The following LNX1 variants were observed in gnomAD, a reference collection of about 807,000 sequenced individuals.
The protein encoded by LNX1 is ligand of numb-protein X 1, also known as E3 ubiquitin-protein ligase LNX.
Under a neutral mutation model 68.4 loss-of-function variants are expected in LNX1, and 54 were observed. The ratio of observed to expected loss-of-function variants is 0.79; its 90% CI spans 0.63 to 0.99. The LOEUF (loss-of-function observed/expected upper bound fraction) is 0.99. Among genes scored for constraint, LNX1 ranks in the 50% least tolerant of loss-of-function variants. The pLI is 0.00. For synonymous variants in LNX1, 336 were observed against 350.0 expected, an observed-to-expected ratio of 0.96 and a Z score of 0.45; for missense variants, 906 against 926.4, an observed-to-expected ratio of 0.98 and a Z score of 0.29.
At chr4:53,502,310 T>C (rs532503929) in intron 4 of LNX1, among the ~76,000 whole-genome samples, 2 of 102,278 alleles carry the variant, frequency 2.0e-5, no homozygotes, top group East Asian at 4.9e-4. Flanking sequence ...CTCTGAGATA[T>C]TGTGGGTTTG....
chr4:53,513,860 C>T (rs1029237700), intron 2 of LNX1, among the ~76,000 whole-genome samples: 26 of 152,206 alleles, frequency 1.7e-4, no homozygotes, highest in African/African-American at 6.3e-4. Flanking sequence ...TTTACTAAAG[C>T]ATAAGGTCCT....
At chr4:53,515,493 C>G (rs1323656690) in intron 2 of LNX1, among the ~76,000 whole-genome samples, 1 of 150,784 alleles carries the variant, frequency 6.6e-6, no homozygotes, top group African/African-American at 2.5e-5. Context: ...CATTTCCCTG[C>G]ACTTCAATTT....
In LNX1 at chr4:53,533,425, G is replaced by A. The variant is rs143471257; in HGVS notation, c.381-25198C>T. 3.7e-3 allele frequency among the ~76,000 whole-genome samples: 567 copies of A among 152,244 alleles called. 2 individuals carry two copies. Among genetic ancestry groups the A allele is most frequent in the Non-Finnish European group, 6.2e-3 (422 of 68,004 alleles). On this transcript the variant is annotated intron_variant, in intron 2 of 10. Transcript: ENST00000263925. Reference sequence around the variant, plus strand: ...TGGAGACTTTTTTATTTGAGGTGGCGTCTCCCTCTGTCGCCCAGGCTGGAG... The same window carrying A: ...TGGAGACTTTTTTATTTGAGGTGGCATCTCCCTCTGTCGCCCAGGCTGGAG...
intron 2 of LNX1, among the ~76,000 whole-genome samples, chr4:53,596,795 T>C (rs935745724): frequency 6.6e-6 from 1 of 152,174 alleles, no homozygotes; most frequent in African/African-American, 2.4e-5. Context: ...CCTATTATAA[T>C]GACAATGACA....
intron 1 of LNX1, among the ~76,000 whole-genome samples, chr4:53,590,234 C>T (rs1055922056): frequency 3.3e-5 from 5 of 152,184 alleles, no homozygotes; most frequent in African/African-American, 1.2e-4. Context: ...CAAAAATGAT[C>T]TCAGCTTGTT....
chr4:53,493,372 T>C (rs1724838637), intron 6 of LNX1, among the ~76,000 whole-genome samples: 1 of 152,222 alleles, frequency 6.6e-6, no homozygotes. Context: ...AGAACCACCT[T>C]GGAACTGGGA....
chr4:53,584,564 A>G (rs1238546613), intron 1 of LNX1, among the ~76,000 whole-genome samples: 2 of 152,206 alleles, frequency 1.3e-5, no homozygotes, highest in East Asian at 3.8e-4. Context: ...CACGAATGAT[A>G]AATGCGATCT....
At chr4:53,556,299 C>A (rs544550089) in intron 2 of LNX1, among the ~76,000 whole-genome samples, 6 of 152,250 alleles carry the variant, frequency 3.9e-5, no homozygotes, top group African/African-American at 1.2e-4. Context: ...TAGAAGAATG[C>A]AAGAAAGCAT....
At chr4:53,581,076 G>A (rs11133280) in intron 1 of LNX1, among the ~76,000 whole-genome samples, 42,831 of 152,018 alleles carry the variant, frequency 0.28, 6,282 homozygotes, top group Non-Finnish European at 0.32. Flanking sequence ...AGCTCCAGGT[G>A]CTCCGTGTCC....
rs766360185 is a variant in LNX1, at chr4:53,459,338, T to C, written c.*1569A>G. 5 of 1,590,302 alleles carry C rather than the reference T, an allele frequency of 3.1e-6. No homozygotes were observed. Among genetic ancestry groups the C allele is most frequent in the Non-Finnish European group, 3.4e-6 (4 of 1,169,874 alleles). ...GTCGCCATGAAAGTGAAGAAGGAGATAGTCACAGGAGACACAAACACAAAA... is the reference window on the plus strand; with the variant it reads ...GTCGCCATGAAAGTGAAGAAGGAGACAGTCACAGGAGACACAAACACAAAA... On this transcript the variant is annotated 3_prime_UTR_variant, in exon 11 of 11. Transcript: ENST00000263925.
intron 2 of LNX1, among the ~76,000 whole-genome samples, chr4:53,535,186 C>T (rs1182894110): frequency 6.6e-6 from 1 of 152,162 alleles, no homozygotes; most frequent in East Asian, 1.9e-4. Flanking sequence ...ATGAGACTCA[C>T]CAATATTGCT....
intron 4 of LNX1, among the ~76,000 whole-genome samples, chr4:53,502,205 C>A (rs1448643006): frequency 6.6e-6 from 1 of 152,222 alleles, no homozygotes; most frequent in Non-Finnish European, 1.5e-5. Flanking sequence ...ACACAGTCAG[C>A]ATCCCAACAT....
chr4:53,597,966 G>A (rs574724255), intron 2 of LNX1, among the ~76,000 whole-genome samples: 1 of 152,240 alleles, frequency 6.6e-6, no homozygotes, highest in East Asian at 1.9e-4. Context: ...CTTTGCCCAT[G>A]TTCTGAATCC....
At chr4:53,483,992 C>T (rs1049166811) in intron 6 of LNX1, among the ~76,000 whole-genome samples, 1 of 152,110 alleles carries the variant, frequency 6.6e-6, no homozygotes, top group Non-Finnish European at 1.5e-5. Context: ...CAGGTCCCTC[C>T]TAAGGGGATT....
At chr4:53,520,189 C>T (rs756696703) in intron 2 of LNX1, among the ~76,000 whole-genome samples, 9 of 152,188 alleles carry the variant, frequency 5.9e-5, no homozygotes, top group Non-Finnish European at 1.0e-4. Flanking sequence ...AAGGCACAGC[C>T]TCTCACAGCA....
rs184858743 is a variant in LNX1 at position 53,650,003 on chromosome 4, T to C, written c.-215+2165A>G. On this transcript the variant is annotated intron_variant, in intron 1 of 2. Coordinates refer to the LNX1 transcript ENST00000507168. Reference sequence around the variant, plus strand: ...AAAGGAGCAGGGACTGCCCAAATAGTAGTTTTCACCCTGGAAATGTTTTTA... The same window carrying C: ...AAAGGAGCAGGGACTGCCCAAATAGCAGTTTTCACCCTGGAAATGTTTTTA... Among the ~76,000 whole-genome samples, 3 of 152,252 alleles carry C rather than the reference T, an allele frequency of 2.0e-5. No homozygotes were observed. In the East Asian group the frequency reaches 5.8e-4, roughly 29 times the overall value.
At chr4:53,557,108 A>C (rs764118768) in intron 2 of LNX1, among the ~76,000 whole-genome samples, 10 of 152,256 alleles carry the variant, frequency 6.6e-5, no homozygotes, top group Non-Finnish European at 1.2e-4. Context: ...TACTAACAAA[A>C]GGAGCTGGAA....
chr4:53,570,415 CA>C (rs557964957), intron 2 of LNX1, among the ~76,000 whole-genome samples: 1 of 143,272 alleles, frequency 7.0e-6, no homozygotes, highest in Non-Finnish European at 1.5e-5. Flanking sequence ...ATCACAAGAA[CA>C]AAAAACCAAA....
chr4:53,556,983 T>C (rs1438523671), intron 2 of LNX1, among the ~76,000 whole-genome samples: 1 of 152,190 alleles, frequency 6.6e-6, no homozygotes, highest in African/African-American at 2.4e-5. Context: ...TCTGGTTAGG[T>C]TCATAAGGAG....
Sources: gnomAD v4.1 joint callset for allele counts (sites outside exome capture counted in the v4.1 genomes callset) on GRCh38, gnomAD v4.1.1 for gene constraint, MANE v1.5 for transcripts, NCBI Gene and HGNC (gene_info 2026-07-23, HGNC 2026-07-21) for gene names.